The following ADAMTSL1 variants were observed in gnomAD, a reference collection of about 807,000 sequenced individuals.
The protein encoded by ADAMTSL1 is ADAMTS like 1.
Under a neutral mutation model 201.8 loss-of-function variants are expected in ADAMTSL1, and 126 were observed. The observed-to-expected ratio is 0.62, with a 90% CI of 0.54 to 0.72. The LOEUF is 0.72. ADAMTSL1 is among the 30% of genes least tolerant of loss of function. The pLI, the probability that ADAMTSL1 is intolerant of heterozygous loss-of-function variation, is 0.00. For missense variants in ADAMTSL1, 2,679 were observed against 2,277.8 expected (o/e 1.18, Z -3.59); for synonymous variants, 1,121 against 903.4 (o/e 1.24, Z -4.32).
rs758949369 is a variant in ADAMTSL1 at position 18,889,594 on chromosome 9, G to A, written c.4489G>A (p.Ala1497Thr). ...TTACTGGTGGTCTGTGGACAGACTG[G>A]CAACCTGCTCAGCCTCCTGTGGTAA... ...QDYWWSVDRL[A>T]TCSASCGNRG... Residue 1497 changes from alanine to threonine, a missense_variant, in exon 25 of 29, where the codon GCA becomes ACA. Ala to Thr is a moderately conservative substitution (Grantham distance 58). Coordinates refer to ENST00000380548, the MANE Select transcript of ADAMTSL1 (RefSeq NM_001040272.6). 6.2e-7 allele frequency: 1 copy of A among 1,613,782 alleles called. No homozygotes were observed. Among genetic ancestry groups the A allele is most frequent in the Non-Finnish European group, 8.5e-7 (1 of 1,179,812 alleles).
chr9:18,436,468 T>G (rs959745400), intron 2 of ADAMTSL1, among the ~76,000 whole-genome samples: 1 of 152,194 alleles, frequency 6.6e-6, no homozygotes, highest in Non-Finnish European at 1.5e-5. Context: ...GGGGAACACT[T>G]GATTCTGTAT....
chr9:18,664,816 G>C (rs563128575), intron 9 of ADAMTSL1, among the ~76,000 whole-genome samples: 1 of 152,100 alleles, frequency 6.6e-6, no homozygotes, highest in South Asian at 2.1e-4. Flanking sequence ...CCCACCGAAT[G>C]GGAAGAGAGG....
At chr9:18,748,697 A>G (rs1234363290) in intron 15 of ADAMTSL1, among the ~76,000 whole-genome samples, 7 of 151,994 alleles carry the variant, frequency 4.6e-5, no homozygotes, top group Admixed American at 6.6e-5. Context: ...TGCAAATTCA[A>G]CTCAGTTTTT....
At chr9:18,686,486 A>G (rs1203896123) in intron 13 of ADAMTSL1, among the ~76,000 whole-genome samples, 1 of 152,124 alleles carries the variant, frequency 6.6e-6, no homozygotes, top group Non-Finnish European at 1.5e-5. Context: ...AGTTCTTTTT[A>G]GGGGGGCATT....
At chr9:18,046,235 C>T (rs10963411) in intron 1 of ADAMTSL1, among the ~76,000 whole-genome samples, 7,380 of 152,126 alleles carry the variant, frequency 0.049, 467 homozygotes, top group East Asian at 0.34. Context: ...AAAACAAGAG[C>T]GACTTAAATA....
At chr9:18,336,308 CA>C (rs1356861874) in intron 2 of ADAMTSL1, among the ~76,000 whole-genome samples, 108 of 148,348 alleles carry the variant, frequency 7.3e-4, no homozygotes, top group African/African-American at 2.7e-3. Flanking sequence ...GATGTAATTT[CA>C]TTTTTTTTTT....
At chr9:17,937,591 G>C (rs1827064741) in intron 1 of ADAMTSL1, among the ~76,000 whole-genome samples, 1 of 48,960 alleles carries the variant, frequency 2.0e-5, no homozygotes, top group African/African-American at 6.3e-5. Flanking sequence ...AGATGGAGGG[G>C]AGACTTGCTA....
intron 23 of ADAMTSL1, among the ~76,000 whole-genome samples, chr9:18,849,624 C>T (rs1243963774): frequency 6.6e-6 from 1 of 152,094 alleles, no homozygotes; most frequent in Non-Finnish European, 1.5e-5. Context: ...AGGACTGGCC[C>T]CCTTGAGGAG....
intron 2 of ADAMTSL1, among the ~76,000 whole-genome samples, chr9:18,330,197 G>C (rs935662673): frequency 2.0e-5 from 3 of 152,184 alleles, no homozygotes; most frequent in African/African-American, 7.2e-5. Flanking sequence ...TGGAGGACAA[G>C]AGAGAGTTTG....
At chr9:18,652,835 A>G (rs13299098) in intron 7 of ADAMTSL1, among the ~76,000 whole-genome samples, 27,331 of 152,218 alleles carry the variant, frequency 0.18, 2,795 homozygotes, top group Middle Eastern at 0.25. Flanking sequence ...AGGTTTGGCC[A>G]ATGTGTAATC....
At chr9:18,741,881 A>C (rs2133552827) in intron 15 of ADAMTSL1, among the ~76,000 whole-genome samples, 1 of 152,244 alleles carries the variant, frequency 6.6e-6, no homozygotes, top group Non-Finnish European at 1.5e-5. Flanking sequence ...TCAAGGTCTG[A>C]TTCAAGCCCT....
rs1225681221 is a variant in ADAMTSL1, at chr9:18,777,807, G to T, written c.3578G>T (p.Ser1193Ile). The change falls in exon 19 of 29, where the codon AGC (serine) becomes ATC (isoleucine). Residue 1193 changes from serine (S) to isoleucine (I), a missense_variant. Ser to Ile is a moderately radical substitution (Grantham distance 142). Coordinates refer to ENST00000380548, the MANE Select transcript of ADAMTSL1 (RefSeq NM_001040272.6). The stretch of plus-strand genomic sequence containing the variant: ...CTGGGGCAGACGGTGGCCCTGGCCA[G>T]CGGGACACTGAGTGTTCTTCTGCAC... ...THLGQTVALA[S>I]GTLSVLLHCE... is the part of the protein sequence containing the mutation. The T allele has an allele frequency of 6.2e-7, 1 of 1,613,632 alleles. No individual in the cohort carries two copies. Among genetic ancestry groups the T allele is most frequent in the East Asian group, 2.2e-5 (1 of 44,876 alleles).
intron 1 of ADAMTSL1, among the ~76,000 whole-genome samples, chr9:18,128,447 C>T (rs4475604): frequency 0.36 from 54,267 of 151,904 alleles, 10,460 homozygotes; most frequent in East Asian, 0.49. Context: ...ACTGCAGCCT[C>T]GACTTCCCAG....
intron 1 of ADAMTSL1, among the ~76,000 whole-genome samples, chr9:18,159,129 T>C (rs1563774723): frequency 6.6e-6 from 1 of 152,090 alleles, no homozygotes; most frequent in Non-Finnish European, 1.5e-5. Context: ...CAGTTACTTA[T>C]ATTGTTTGCA....
At chr9:18,617,780 T>C (rs1047836539) in intron 4 of ADAMTSL1, among the ~76,000 whole-genome samples, 2 of 152,176 alleles carry the variant, frequency 1.3e-5, no homozygotes, top group South Asian at 2.1e-4. Context: ...TTTCTTTAAA[T>C]TTTTCTTGGA....
At chr9:18,207,804 T>A (rs964225905) in intron 2 of ADAMTSL1, among the ~76,000 whole-genome samples, 8 of 150,918 alleles carry the variant, frequency 5.3e-5, no homozygotes, top group African/African-American at 1.9e-4. Context: ...ATACAGAGTG[T>A]TAAAAAAGAA....
intron 3 of ADAMTSL1, among the ~76,000 whole-genome samples, chr9:18,540,438 A>C (rs571593227): frequency 4.6e-5 from 7 of 152,344 alleles, no homozygotes; most frequent in African/African-American, 1.7e-4. Context: ...TGAGGTGGTC[A>C]GGAAATTCTC....
At chr9:18,616,512 C>A (rs922557519) in intron 4 of ADAMTSL1, among the ~76,000 whole-genome samples, 1 of 152,106 alleles carries the variant, frequency 6.6e-6, no homozygotes, top group Non-Finnish European at 1.5e-5. Flanking sequence ...ATGGTGCTCC[C>A]GAGTGGTTTT....
At chr9:18,037,958 A>G (rs1396740066) in intron 1 of ADAMTSL1, among the ~76,000 whole-genome samples, 2 of 135,818 alleles carry the variant, frequency 1.5e-5, no homozygotes, top group East Asian at 2.0e-4. Context: ...CTGGTCTGGC[A>G]TATATACCAA....
Sources: gnomAD v4.1 joint callset for allele counts (sites outside exome capture counted in the v4.1 genomes callset) on GRCh38, gnomAD v4.1.1 for gene constraint, MANE v1.5 for transcripts, NCBI Gene and HGNC (gene_info 2026-07-23, HGNC 2026-07-21) for gene names.